MED13: variants seen among roughly 807,000 people sequenced by gnomAD.
The protein encoded by MED13 is mediator of RNA polymerase II transcription subunit 13.
Under a neutral mutation model 225.2 loss-of-function variants are expected in MED13, and 23 were observed. The observed-to-expected ratio is 0.10, with a 90% CI of 0.07 to 0.14. MED13 has a LOEUF of 0.14. MED13 is among the 10% of genes least tolerant of loss of function. The pLI, the probability that MED13 is intolerant of heterozygous loss-of-function variation, is 1.00. For missense variants in MED13, 2,197 were observed against 2,594.5 expected (o/e 0.85, Z 3.33); for synonymous variants, 942 against 889.2 (o/e 1.06, Z -1.06).
At position 62,051,896 on chromosome 17, in the gene MED13, T is replaced by C. The variant is rs61525118; in HGVS notation, c.470+641A>G. Among the ~76,000 whole-genome samples the C allele has an allele frequency of 3.8e-3, 580 of 152,310 alleles. 4 individuals are homozygous for C. Among genetic ancestry groups the C allele is most frequent in the African/African-American group, 0.013 (544 of 41,566 alleles). On this transcript the variant is annotated intron_variant, in intron 3 of 29. Coordinates refer to ENST00000397786, the MANE Select transcript of MED13 (RefSeq NM_005121.3). ...TTGAGAGACTATGCCTTATATTATC[T>C]AAATCACGGAGAAGCGAGTAACCTG...
intron 3 of MED13, among the ~76,000 whole-genome samples, chr17:62,044,767 T>C (rs1203267776): frequency 1.3e-5 from 2 of 152,184 alleles, no homozygotes; most frequent in Non-Finnish European, 2.9e-5. Flanking sequence ...GGTTAAGTGA[T>C]TCTCCTGCCT....
At chr17:61,972,569 T>C (rs2080119491) in intron 17 of MED13, among the ~76,000 whole-genome samples, 158 bp downstream of exon 17, 1 of 152,060 alleles carries the variant, frequency 6.6e-6, no homozygotes. Context: ...AGCTGAATGT[T>C]GGAAATGGTG....
chr17:61,965,487 T>C lies in MED13; in HGVS notation c.4382-19A>G, dbSNP rs2080049785. 2 of 1,584,786 alleles carry C rather than the reference T, an allele frequency of 1.3e-6. No individual in the cohort carries two copies. The highest frequency in any genetic ancestry group is 1.1e-5 in the South Asian group (1 of 87,532). On this transcript the variant is annotated intron_variant, in intron 19 of 29. Transcript: ENST00000397786. The stretch of plus-strand genomic sequence containing the variant: ...TAAGGACCTAAAGAATAAAAACAGG[T>C]ACGAAATTTAATTCTTTATTTCACT...
At chr17:62,049,424 T>C (rs2080934275) in intron 3 of MED13, among the ~76,000 whole-genome samples, 1 of 152,154 alleles carries the variant, frequency 6.6e-6, no homozygotes, top group Non-Finnish European at 1.5e-5. Context: ...TTGCAAGCCA[T>C]CTGTCTCTAT....
intron 3 of MED13, among the ~76,000 whole-genome samples, chr17:62,040,654 T>C (rs1256697240): frequency 3.3e-5 from 5 of 152,144 alleles, no homozygotes; most frequent in African/African-American, 1.2e-4. Context: ...GTTAAAATCA[T>C]AATACTAGTA....
chr17:61,949,830 G>A (rs766096017), intron 28 of MED13, among the ~76,000 whole-genome samples: 41 of 152,032 alleles, frequency 2.7e-4, no homozygotes, highest in African/African-American at 3.1e-4. Context: ...TAATTTGCAC[G>A]TGCCACCACG....
rs143148328 is a variant in MED13 at position 62,023,112 on chromosome 17, G to A, written c.1283+6429C>T. Among the ~76,000 whole-genome samples, 13 of 152,260 alleles carry A rather than the reference G, an allele frequency of 8.5e-5. No individual in the cohort carries two copies. In the East Asian group the frequency reaches 1.5e-3, roughly 18 times the overall value. On this transcript the variant is annotated intron_variant, in intron 8 of 29. Coordinates refer to ENST00000397786, the MANE Select transcript of MED13 (RefSeq NM_005121.3). ...ACTTCTAGGGAGAGTGAGTAGGCTT[G>A]GGGGAGAGAAAGGATGGTCAAGGGG...
chr17:62,030,066 TAAC>T, intron 6 of MED13, 53 bp from the exon 7 acceptor site: 1 of 1,378,974 alleles, frequency 7.3e-7, no homozygotes, highest in Non-Finnish European at 9.5e-7. Flanking sequence ...AGGTTTAAAG[TAAC>T]ATTATTTGGG....
chr17:62,020,742 A>T, intron 8 of MED13, among the ~76,000 whole-genome samples: 1 of 125,170 alleles, frequency 8.0e-6, no homozygotes. Flanking sequence ...GCAGAGGGGT[A>T]TTTGGCAGGG....
intron 3 of MED13, among the ~76,000 whole-genome samples, chr17:62,046,603 G>A (rs902848942): frequency 1.3e-5 from 2 of 152,160 alleles, no homozygotes; most frequent in Non-Finnish European, 2.9e-5. Context: ...ACTTTGCGAG[G>A]CCAAAGATGG....
In MED13 at chr17:62,060,722, C is replaced by CAAA. The variant is rs1294668474; in HGVS notation, c.301+2344_301+2345insTTT. Among the ~76,000 whole-genome samples the CAAA allele has an allele frequency of 6.7e-5, 10 of 148,304 alleles. No individual in the cohort carries two copies. In the East Asian group the frequency reaches 1.4e-3, roughly 21 times the overall value. ...TCACTATCTATTTTTTTTTTTGAGACAGAGTCTCACTCTGTCGCCCAGGCT... is the reference window on the plus strand; with the variant it reads ...TCACTATCTATTTTTTTTTTTGAGACAAAAGAGTCTCACTCTGTCGCCCAGGCT... On this transcript the variant is annotated intron_variant, in intron 2 of 29. Coordinates refer to ENST00000397786, the MANE Select transcript of MED13 (RefSeq NM_005121.3).
intron 1 of MED13, 37 bp from the exon 2 acceptor site, chr17:62,063,338 A>G (rs1461037202): frequency 1.4e-6 from 2 of 1,391,764 alleles, no homozygotes; most frequent in South Asian, 1.2e-5. Context: ...ATTACTGCAT[A>G]TTCACTCAAA....
At chr17:61,959,508 AATAAG>A (rs2079979232) in intron 23 of MED13, among the ~76,000 whole-genome samples, 1 of 152,160 alleles carries the variant, frequency 6.6e-6, no homozygotes, top group Admixed American at 6.6e-5. Context: ...GTATCAAGGA[AATAAG>A]ATACGAAGCA....
chr17:62,063,909 G>A (rs1016499546), intron 1 of MED13, among the ~76,000 whole-genome samples: 1 of 152,150 alleles, frequency 6.6e-6, no homozygotes, highest in African/African-American at 2.4e-5. Flanking sequence ...ATAAAACCTG[G>A]TGTATGTCTT....
intron 9 of MED13, chr17:62,004,897 CTT>C (rs551492644): frequency 0.23 from 28,839 of 128,030 alleles, 3,269 homozygotes; most frequent in African/African-American, 0.45. Context: ...ACATCATTTA[CTT>C]TTTTTTTTTT....
Position 61,956,462 on chromosome 17 carries a change from A to T in MED13, c.5500T>A (p.Ser1834Thr), listed in dbSNP as rs1401906659. ...TTCTGTAGACCAAATTTTCTAGCAG[A>T]ACTTTTTTTCCGACGAGCCCTATTG... ...VPNRARRKKSSARKFGLQKLW... is the reference protein window; with the variant it reads ...VPNRARRKKSTARKFGLQKLW... Residue 1834 changes from serine to threonine, a missense_variant, in exon 24 of 30, where the codon TCT becomes ACT. Transcript: ENST00000397786. The T allele has an allele frequency of 6.2e-7, 1 of 1,612,276 alleles. No individual in the cohort carries two copies. Among genetic ancestry groups the T allele is most frequent in the South Asian group, 1.1e-5 (1 of 90,514 alleles).
At chr17:62,035,394 T>C in intron 4 of MED13, 69 bp downstream of exon 4, 1 of 1,308,298 alleles carries the variant, frequency 7.6e-7, no homozygotes, top group Non-Finnish European at 1.0e-6. Flanking sequence ...TCCCCAAATG[T>C]AAAATTATGA....
chr17:62,024,230 C>G (rs558056089), intron 8 of MED13, among the ~76,000 whole-genome samples: 1 of 152,260 alleles, frequency 6.6e-6, no homozygotes, highest in East Asian at 1.9e-4. Context: ...GTTGGCCAGG[C>G]TGGTCTTGAA....
At chr17:61,996,321 G>C (rs1266132646) in intron 9 of MED13, among the ~76,000 whole-genome samples, 5 of 152,028 alleles carry the variant, frequency 3.3e-5, no homozygotes, top group African/African-American at 4.8e-5. Context: ...CTATTCTCTC[G>C]GGTTTACAAA....
Sources: gnomAD v4.1 joint callset for allele counts (sites outside exome capture counted in the v4.1 genomes callset) on GRCh38, gnomAD v4.1.1 for gene constraint, MANE v1.5 for transcripts, NCBI Gene and HGNC (gene_info 2026-07-23, HGNC 2026-07-21) for gene names.